Variants in FRZB observed in about 807,000 individuals in gnomAD.
FRZB encodes the protein secreted frizzled-related protein 3.
In FRZB, 34 loss-of-function variants were observed where a neutral mutation model predicts 32.5. The ratio of observed to expected loss-of-function variants is 1.05; its 90% confidence interval spans 0.80 to 1.39. The LOEUF (loss-of-function observed/expected upper bound fraction) is 1.39. Ranked by LOEUF, FRZB falls within the 40% of genes most tolerant of loss-of-function variation. The pLI is 0.00. For synonymous variants in FRZB, 170 were observed against 159.2 expected (o/e 1.07, Z -0.51); for missense variants, 423 against 424.8 (o/e 1.00, Z 0.04).
chr2:182,836,596 TG>T (rs1468156047), intron 5 of FRZB, among the ~76,000 whole-genome samples: 3 of 152,198 alleles, frequency 2.0e-5, no homozygotes, highest in African/African-American at 7.2e-5. Context: ...GATATTGTTT[TG>T]GTACCAAAAG....
At chr2:182,840,487 T>TAAG (rs946331667) in intron 3 of FRZB, among the ~76,000 whole-genome samples, 2 of 152,106 alleles carry the variant, frequency 1.3e-5, no homozygotes, top group Admixed American at 6.6e-5. Flanking sequence ...GGTTAACACT[T>TAAG]AAGGAGTTTT....
chr2:182,842,392 C>T (rs767158108), intron 3 of FRZB, 86 bp downstream of exon 3: 3 of 925,146 alleles, frequency 3.2e-6, no homozygotes, highest in Non-Finnish European at 1.7e-6. Context: ...TGGCTCCACT[C>T]GTTTACATGT....
intron 2 of FRZB, among the ~76,000 whole-genome samples, chr2:182,848,323 G>A (rs1270733473): frequency 1.3e-5 from 2 of 152,264 alleles, no homozygotes; most frequent in East Asian, 3.9e-4. Context: ...CAAAACAGCA[G>A]CAGGAATGGA....
intron 3 of FRZB, 86 bp from the exon 4 acceptor site, chr2:182,838,699 A>T: frequency 9.4e-7 from 1 of 1,066,396 alleles, no homozygotes; most frequent in Non-Finnish European, 1.4e-6. Context: ...GCTTCTCTTT[A>T]GTTAATTCTT....
chr2:182,863,631 T>G (rs13011959), intron 1 of FRZB, among the ~76,000 whole-genome samples: 168 of 152,316 alleles, frequency 1.1e-3, no homozygotes, highest in Non-Finnish European at 9.4e-4. Flanking sequence ...TATATCTAGT[T>G]GGACAGATAC....
chr2:182,856,182 G>A (rs546337756), intron 2 of FRZB, among the ~76,000 whole-genome samples: 8 of 151,906 alleles, frequency 5.3e-5, no homozygotes, highest in South Asian at 2.1e-4. Flanking sequence ...AAGAACAGAA[G>A]AGAAAGAATA....
At chr2:182,865,991 T>A (rs938650536) in intron 1 of FRZB, 84 bp downstream of exon 1, 12 of 1,055,596 alleles carry the variant, frequency 1.1e-5, no homozygotes, top group Non-Finnish European at 1.7e-5. Flanking sequence ...GAGAAAAAAA[T>A]TAGAGAGTAA....
intron 1 of FRZB, among the ~76,000 whole-genome samples, chr2:182,864,031 G>T (rs561686161): frequency 3.3e-5 from 5 of 152,300 alleles, no homozygotes; most frequent in African/African-American, 9.6e-5. Context: ...CAAGGATGCT[G>T]CCAGTAAAGC....
Position 182,841,466 on chromosome 2 carries a change from T to C in FRZB, c.592+1012A>G, listed in dbSNP as rs561172037. On this transcript the variant is annotated intron_variant, in intron 3 of 5. Coordinates refer to ENST00000295113, the MANE Select transcript of FRZB (RefSeq NM_001463.4). ...CATAAATGTAATAATAAAACTCTTA[T>C]TTTAATAAGGTTCACTGTAAAAGTC... Among the ~76,000 whole-genome samples, 79 of 152,272 alleles carry C rather than the reference T, an allele frequency of 5.2e-4. 1 individual carries two copies. Among genetic ancestry groups the C allele is most frequent in the Admixed American group, 9.2e-4 (14 of 15,288 alleles).
intron 2 of FRZB, among the ~76,000 whole-genome samples, chr2:182,848,113 T>C (rs1376245104): frequency 1.3e-5 from 2 of 149,238 alleles, no homozygotes; most frequent in African/African-American, 2.5e-5. Flanking sequence ...CTGCAACAAA[T>C]CATCTGGAAT....
At chr2:182,857,128 G>A (rs556529319) in intron 2 of FRZB, among the ~76,000 whole-genome samples, 1 of 152,010 alleles carries the variant, frequency 6.6e-6, no homozygotes, top group South Asian at 2.1e-4. Flanking sequence ...AGTAGAATTT[G>A]AAAAATAGCA....
At chr2:182,854,140 G>A (rs759859294) in intron 2 of FRZB, among the ~76,000 whole-genome samples, 1 of 152,192 alleles carries the variant, frequency 6.6e-6, no homozygotes, top group Non-Finnish European at 1.5e-5. Context: ...CCTTTGAAGA[G>A]AAGGGTGGGG....
chr2:182,854,413 G>A (rs141345051), intron 2 of FRZB, among the ~76,000 whole-genome samples: 5 of 152,252 alleles, frequency 3.3e-5, no homozygotes, highest in African/African-American at 1.2e-4. Context: ...AGGAAGACTG[G>A]GGGGAGAAAA....
chr2:182,853,881 A>G (rs1695736887), intron 2 of FRZB, among the ~76,000 whole-genome samples: 1 of 152,234 alleles, frequency 6.6e-6, no homozygotes, highest in Admixed American at 6.5e-5. Context: ...TAAATGCAGC[A>G]TTAGTCATTG....
At position 182,858,612 on chromosome 2, in the gene FRZB, C is replaced by A. The variant is rs1695796721; in HGVS notation, c.526+174G>T. Among the ~76,000 whole-genome samples the A allele has an allele frequency of 1.3e-5, 2 of 151,944 alleles. 1 individual carries two copies. The highest frequency in any genetic ancestry group is 2.9e-5 in the Non-Finnish European group (2 of 67,948). On this transcript the variant is annotated intron_variant, in intron 2 of 5. Transcript: ENST00000295113. ...CAAACTATATGTCCAAATAAAAGTC[C>A]AATTTTACTACGTGCTAATTTTAAA... is the stretch of plus-strand genomic sequence containing the variant.
In FRZB at chr2:182,838,004, A is replaced by C. The variant is rs1695546167; in HGVS notation, c.805T>G (p.Leu269Val). ...TTCTCAGCTATAGAGCCTTCCACCA[A>C]GAGTAATCTGTATTTTTGAAAGAAG... Reference protein sequence around the residue: ...YEDEERSRLLLVEGSIAEKWK... With the variant: ...YEDEERSRLLVVEGSIAEKWK... Residue 269 changes from leucine (L) to valine (V), a missense_variant, in exon 5 of 6, where the codon TTG becomes GTG. Coordinates refer to ENST00000295113, the MANE Select transcript of FRZB (RefSeq NM_001463.4). 3 of 1,611,274 alleles carry C rather than the reference A, an allele frequency of 1.9e-6. No homozygotes were observed. Among genetic ancestry groups the C allele is most frequent in the Admixed American group, 3.3e-5 (2 of 59,708 alleles).
chr2:182,854,972 C>T (rs1433801205), intron 2 of FRZB, among the ~76,000 whole-genome samples: 2 of 152,188 alleles, frequency 1.3e-5, no homozygotes, highest in African/African-American at 4.8e-5. Context: ...GTGACTCTGA[C>T]ATAAAACAGT....
chr2:182,862,491 A>C (rs182589302), intron 1 of FRZB, among the ~76,000 whole-genome samples: 1 of 152,296 alleles, frequency 6.6e-6, no homozygotes, highest in African/African-American at 2.4e-5. Context: ...ATTTGTGTAA[A>C]AGGAAATACT....
At chr2:182,841,047 G>T (rs74386206) in intron 3 of FRZB, among the ~76,000 whole-genome samples, 1 of 152,022 alleles carries the variant, frequency 6.6e-6, no homozygotes, top group African/African-American at 2.4e-5. Context: ...GAAATTAAGG[G>T]CTCCCTTTTC....
Sources: allele counts gnomAD v4.1 joint callset (sites outside exome capture counted in the v4.1 genomes callset), GRCh38; gene constraint gnomAD v4.1.1; transcripts MANE v1.5; gene names NCBI Gene and HGNC (gene_info 2026-07-23, HGNC 2026-07-21).